PFKP: variants seen among roughly 807,000 people sequenced by gnomAD.
PFKP encodes the protein ATP-dependent 6-phosphofructokinase, platelet type.
In PFKP, 101 loss-of-function variants were observed where a neutral mutation model predicts 94.3. The ratio of observed to expected loss-of-function variants is 1.07; its 90% CI spans 0.91 to 1.26. The LOEUF (loss-of-function observed/expected upper bound fraction) is 1.26, where lower values mean the gene tolerates loss of function less well. PFKP is among the 50% of genes most tolerant of loss of function. The pLI, the probability that PFKP is intolerant of heterozygous loss-of-function variation, is 0.00. For synonymous variants in PFKP, 573 were observed against 432.6 expected, an observed-to-expected ratio of 1.32 and a Z score of -4.03; for missense variants, 1,145 against 1,103.3, an observed-to-expected ratio of 1.04 and a Z score of -0.53.
chr10:3,087,660 G>A (rs1304508354), intron 2 of PFKP, among the ~76,000 whole-genome samples: 1 of 152,184 alleles, frequency 6.6e-6, no homozygotes, highest in African/African-American at 2.4e-5. Context: ...AGAATGATCA[G>A]GCTTTTGGAA....
At chr10:3,115,700 C>A (rs566023838) in intron 13 of PFKP, among the ~76,000 whole-genome samples, 1 of 152,148 alleles carries the variant, frequency 6.6e-6, no homozygotes, top group Non-Finnish European at 1.5e-5. Context: ...AGCGTCTCCA[C>A]GTAGTTAAAG....
chr10:3,104,520 CA>C (rs1166412568), intron 5 of PFKP, among the ~76,000 whole-genome samples: 1 of 152,240 alleles, frequency 6.6e-6, no homozygotes, highest in Non-Finnish European at 1.5e-5. Context: ...ATCCAGTCCC[CA>C]GCATGGCGCC....
rs142281142 is a variant in PFKP at position 3,129,613 on chromosome 10, C to G, written c.1684-206C>G. The G allele has an allele frequency of 2.2e-4, 126 of 578,972 alleles. 1 individual carries two copies. In the East Asian group the frequency reaches 3.8e-3, roughly 18 times the overall value. The allele number at this position is 578,972 out of a possible 1,614,324, so 35.9% of individuals were successfully genotyped here. ...CATCGAGGTCACCTCCAGGTGGCTGCCATGGTGGGGTTGCGGGGGACCACG... is the reference window on the plus strand; with the variant it reads ...CATCGAGGTCACCTCCAGGTGGCTGGCATGGTGGGGTTGCGGGGGACCACG... On this transcript the variant is annotated intron_variant, in intron 16 of 21. Transcript: ENST00000381125.
intron 1 of PFKP, chr10:3,069,389 G>C: frequency 6.3e-7 from 1 of 1,587,674 alleles, no homozygotes; most frequent in Non-Finnish European, 8.6e-7. Context: ...GAGATGTGCG[G>C]GTACGAATGG....
chr10:3,082,346 C>G, intron 1 of PFKP, 42 bp from the exon 2 acceptor site: 1 of 1,504,812 alleles, frequency 6.6e-7, no homozygotes, highest in Non-Finnish European at 9.1e-7. Context: ...GCCAGAATTA[C>G]CCCGGGCTCT....
chr10:3,071,913 G>A (rs537427187), intron 1 of PFKP, among the ~76,000 whole-genome samples: 21 of 152,348 alleles, frequency 1.4e-4, no homozygotes, highest in Middle Eastern at 3.4e-3. Flanking sequence ...AGCAAGGGGC[G>A]CCTGAGTTGC....
Position 3,098,946 on chromosome 10 carries a change from C to T in PFKP, c.187-329C>T, listed in dbSNP as rs118100632. ...AGTTTGTGCTGAAGTATGATAAACACGTTGGGTGAAAGTGACCCCTTTCAA... is the reference window on the plus strand; with the variant it reads ...AGTTTGTGCTGAAGTATGATAAACATGTTGGGTGAAAGTGACCCCTTTCAA... On this transcript the variant is annotated intron_variant, in intron 2 of 21. Coordinates refer to ENST00000381125, the MANE Select transcript of PFKP (RefSeq NM_002627.5). 3.0e-3 allele frequency among the ~76,000 whole-genome samples: 460 copies of T among 152,250 alleles called. 3 individuals are homozygous for T. The highest frequency in any genetic ancestry group is 3.6e-3 in the Non-Finnish European group (248 of 68,006).
At chr10:3,110,942 TAG>T (rs1265976138) in intron 10 of PFKP, among the ~76,000 whole-genome samples, 1 of 150,154 alleles carries the variant, frequency 6.7e-6, no homozygotes, top group Admixed American at 6.6e-5. Context: ...TTTTGTGAGG[TAG>T]TGTGTGTGCA....
At chr10:3,118,417 G>T (rs1837043346) in intron 14 of PFKP, among the ~76,000 whole-genome samples, 1 of 152,132 alleles carries the variant, frequency 6.6e-6, no homozygotes, top group East Asian at 1.9e-4. Flanking sequence ...GCAGTGAGCT[G>T]AGATTACGCC....
rs1838984062 is a variant in PFKP, at chr10:3,134,466, ACT to A, written c.2023-14_2023-13del. ...TACTGTATAACTGGTATTTCATATA[ACT>A]CTAACCACCAACAGGGTGGGGCACC... On this transcript the variant is annotated splice_polypyrimidine_tract_variant and intron_variant, in intron 19 of 21. Transcript: ENST00000381125. 14 of 1,468,284 alleles carry A rather than the reference ACT, an allele frequency of 9.5e-6. No individual in the cohort carries two copies. The highest frequency in any genetic ancestry group is 1.2e-5 in the Non-Finnish European group (13 of 1,047,380). The allele number at this position is 1,468,284 out of a possible 1,614,324, so 91.0% of individuals were successfully genotyped here. A position where few individuals can be genotyped will look rare whatever the true frequency, so the allele number is the denominator to read the frequency against.
At chr10:3,076,888 G>A (rs12775265) in intron 1 of PFKP, among the ~76,000 whole-genome samples, 54,762 of 151,924 alleles carry the variant, frequency 0.36, 10,299 homozygotes, top group Middle Eastern at 0.49. Flanking sequence ...ACTGGCAGGG[G>A]TGGGGAGGGA....
chr10:3,120,954 A>G (rs1196298502), intron 16 of PFKP, among the ~76,000 whole-genome samples: 1 of 152,210 alleles, frequency 6.6e-6, no homozygotes, highest in African/African-American at 2.4e-5. Flanking sequence ...GTTTGTAGTA[A>G]TTCTCAAGTT....
In PFKP at chr10:3,135,763, T is replaced by G. The variant is rs1278019356; in HGVS notation, c.2150T>G (p.Ile717Ser). Residue 717 changes from isoleucine to serine, a missense_variant, in exon 21 of 22, where the codon ATT becomes AGT. Coordinates refer to ENST00000381125, the MANE Select transcript of PFKP (RefSeq NM_002627.5). The part of the protein sequence containing the change: ...RGKKFTTDDS[I>S]CVLGISKRNV... Reference sequence around the variant, plus strand: ...AAAAAATTTACCACCGATGATTCCATTTGTGTGCTGGGAATAAGCAAAAGA... The same window carrying G: ...AAAAAATTTACCACCGATGATTCCAGTTGTGTGCTGGGAATAAGCAAAAGA... 5 of 1,612,740 alleles carry G rather than the reference T, an allele frequency of 3.1e-6. No individual in the cohort carries two copies. Among genetic ancestry groups the G allele is most frequent in the Non-Finnish European group, 4.2e-6 (5 of 1,178,866 alleles).
intron 10 of PFKP, among the ~76,000 whole-genome samples, chr10:3,111,899 T>C (rs1836271853): frequency 6.6e-6 from 1 of 152,224 alleles, no homozygotes; most frequent in African/African-American, 2.4e-5. Context: ...TCATTTCCTC[T>C]GGCTTTGTTC....
chr10:3,135,884 A>T (rs11251741), intron 21 of PFKP, 46 bp downstream of exon 21: 297,948 of 1,144,372 alleles, frequency 0.26, 42,333 homozygotes, highest in Non-Finnish European at 0.3. Flanking sequence ...CAATGTGAGT[A>T]CGGGACAGGG....
Position 3,113,401 on chromosome 10 carries a change from G to T in PFKP, c.1254G>T (p.Val418=), listed in dbSNP as rs1233815825. 6.3e-7 allele frequency: 1 copy of T among 1,597,978 alleles called. No individual in the cohort carries two copies. The highest frequency in any genetic ancestry group is 1.1e-5 in the South Asian group (1 of 89,374). ...ATTGCAACGTAGCTGTCATCAACGT[G>T]GGGGCACCCGCGGCTGGGATGAACG... is the stretch of plus-strand genomic sequence containing the variant. ...KTNCNVAVIN[V]GAPAAGMNAA... The change falls in exon 13 of 22, where the codon GTG becomes GTT. Residue 418 remains valine (V), a synonymous_variant. Transcript: ENST00000381125.
At chr10:3,128,464 G>T (rs997828948) in intron 16 of PFKP, among the ~76,000 whole-genome samples, 1 of 151,712 alleles carries the variant, frequency 6.6e-6, no homozygotes, top group African/African-American at 2.4e-5. Flanking sequence ...TCCCGTGGCC[G>T]CTGTGACACT....
At chr10:3,115,180 C>CAGGT (rs1836658717) in intron 13 of PFKP, among the ~76,000 whole-genome samples, 1 of 152,148 alleles carries the variant, frequency 6.6e-6, no homozygotes, top group South Asian at 2.1e-4. Context: ...ACACTTCTTG[C>CAGGT]AGGTAGGATG....
intron 4 of PFKP, among the ~76,000 whole-genome samples, chr10:3,102,945 C>A (rs1248865782): frequency 6.6e-6 from 1 of 152,216 alleles, no homozygotes; most frequent in Admixed American, 6.5e-5. Flanking sequence ...GGGACAGTGG[C>A]CACAAGTCCG....
Sources: gnomAD v4.1 joint callset for allele counts (sites outside exome capture counted in the v4.1 genomes callset) on GRCh38, gnomAD v4.1.1 for gene constraint, MANE v1.5 for transcripts, NCBI Gene and HGNC (gene_info 2026-07-23, HGNC 2026-07-21) for gene names.